Variants in NFS1 observed in about 807,000 individuals in gnomAD.
The protein encoded by NFS1 is NFS1 cysteine desulfurase, also known as cysteine desulfurase.
In NFS1, 26 loss-of-function variants were observed where a neutral mutation model predicts 57.3. The ratio of observed to expected loss-of-function variants is 0.45; its 90% CI spans 0.33 to 0.63. NFS1 has a LOEUF of 0.63. Ranked by LOEUF, NFS1 falls within the 20% of genes least tolerant of loss-of-function variation. The pLI is 0.02. For synonymous variants in NFS1, 209 were observed against 216.3 expected, an observed-to-expected ratio of 0.97 and a Z score of 0.30; for missense variants, 505 against 605.8, an observed-to-expected ratio of 0.83 and a Z score of 1.75.
At chr20:35,685,473 G>A (rs1311476659) in intron 5 of NFS1, among the ~76,000 whole-genome samples, 1 of 150,838 alleles carries the variant, frequency 6.6e-6, no homozygotes, top group Non-Finnish European at 1.5e-5. Flanking sequence ...AGTGAGCCGA[G>A]GTCATGTCAC....
intron 5 of NFS1, among the ~76,000 whole-genome samples, chr20:35,684,893 T>C (rs978920056): frequency 1.3e-5 from 2 of 151,744 alleles, no homozygotes; most frequent in African/African-American, 4.9e-5. Context: ...GGAGACCCTG[T>C]CTCTTTTTTC....
intron 2 of NFS1, 123 bp downstream of exon 2, chr20:35,698,358 C>T: frequency 2.6e-6 from 2 of 758,866 alleles, no homozygotes; most frequent in Non-Finnish European, 4.3e-6. Flanking sequence ...CGACTCCTCG[C>T]TCAGTGCTTT....
At chr20:35,676,576 CTCTG>C (rs2034749264) in intron 7 of NFS1, among the ~76,000 whole-genome samples, 1 of 150,254 alleles carries the variant, frequency 6.7e-6, no homozygotes, top group Non-Finnish European at 1.5e-5. Context: ...CAGAGCAAGA[CTCTG>C]TCTAAAAAAA....
intron 7 of NFS1, among the ~76,000 whole-genome samples, chr20:35,676,944 G>A (rs531048405): frequency 4.0e-5 from 6 of 151,712 alleles, no homozygotes; most frequent in African/African-American, 1.2e-4. Context: ...TCAGCTCACC[G>A]CAACCTCCAC....
intron 7 of NFS1, among the ~76,000 whole-genome samples, chr20:35,678,563 C>T (rs1227055296): frequency 6.7e-6 from 1 of 149,052 alleles, no homozygotes; most frequent in African/African-American, 2.5e-5. Flanking sequence ...CCAGGCATGG[C>T]CGGGCACAGT....
intron 5 of NFS1, among the ~76,000 whole-genome samples, chr20:35,684,145 C>T (rs1433680770): frequency 3.3e-5 from 5 of 151,952 alleles, no homozygotes; most frequent in Admixed American, 1.3e-4. Flanking sequence ...TGGTGACTCA[C>T]GCCTGTAATC....
At chr20:35,688,471 C>T (rs907811640) in intron 5 of NFS1, among the ~76,000 whole-genome samples, 6 of 151,916 alleles carry the variant, frequency 3.9e-5, no homozygotes, top group East Asian at 1.9e-4. Context: ...GTGGGAGAAT[C>T]GTTTGAACCC....
chr20:35,696,664 CT>C (rs1216494710), intron 3 of NFS1, among the ~76,000 whole-genome samples: 16 of 146,176 alleles, frequency 1.1e-4, no homozygotes, highest in Admixed American at 1.4e-4. Flanking sequence ...AAAATAATAA[CT>C]TTTTTTTTTT....
chr20:35,685,560 A>T (rs544845859), intron 5 of NFS1, among the ~76,000 whole-genome samples: 10 of 145,406 alleles, frequency 6.9e-5, no homozygotes, highest in Admixed American at 4.1e-4. Context: ...AAAATATTTT[A>T]TATATATATA....
At chr20:35,674,100 C>T in intron 10 of NFS1, 4 of 514,236 alleles carry the variant, frequency 7.8e-6, no homozygotes, top group Non-Finnish European at 1.1e-5. Context: ...GTGTAACCCA[C>T]AACAGACACA....
In NFS1 at chr20:35,673,675, G is replaced by A. The variant is rs1178186664; in HGVS notation, c.1146C>T (p.Thr382=). 4 of 1,613,712 alleles carry A rather than the reference G, an allele frequency of 2.5e-6. No individual in the cohort carries two copies. The Admixed American group carries it at 5.0e-5, about 20-fold the overall frequency. ...DVALSSGSAC[T]SASLEPSYVL... Reference sequence around the variant, plus strand: ...CATAAGAGGGCTCCAGGGATGCAGAGGTGCAGGCACTGAGGAGAGAGACAC... The same window carrying A: ...CATAAGAGGGCTCCAGGGATGCAGAAGTGCAGGCACTGAGGAGAGAGACAC... The change falls in exon 11 of 13, where the codon ACC becomes ACT. Residue 382 remains threonine, a synonymous_variant. Coordinates refer to ENST00000374092, the MANE Select transcript of NFS1 (RefSeq NM_021100.5).
intron 7 of NFS1, among the ~76,000 whole-genome samples, chr20:35,676,874 C>CG (rs1568957633): frequency 6.8e-6 from 1 of 147,934 alleles, no homozygotes; most frequent in East Asian, 2.0e-4. Context: ...TTTTTTTTCC[C>CG]TTTTTTTTTG....
intron 5 of NFS1, among the ~76,000 whole-genome samples, chr20:35,687,230 C>T (rs563758805): frequency 1.2e-4 from 19 of 152,302 alleles, no homozygotes; most frequent in Admixed American, 2.6e-4. Context: ...CAGGCCTGCC[C>T]GCAGTTATCT....
Position 35,685,581 on chromosome 20 carries a change from G to A in NFS1, c.562-3600C>T, listed in dbSNP as rs551075721. 7.5e-4 allele frequency among the ~76,000 whole-genome samples: 108 copies of A among 144,718 alleles called. 3 individuals carry two copies. Among genetic ancestry groups the A allele is most frequent in the African/African-American group, 2.6e-3 (100 of 38,756 alleles). 94.9% of individuals were successfully genotyped at this position (144,718 alleles called of 152,430 possible). On this transcript the variant is annotated intron_variant, in intron 5 of 12. Transcript: ENST00000374092. ...TTTTATATATATATATATAGCAGCCGGGCGCAGTGGCTCACGCCTGTAATC... is the reference window on the plus strand; with the variant it reads ...TTTTATATATATATATATAGCAGCCAGGCGCAGTGGCTCACGCCTGTAATC...
At chr20:35,672,650 G>A (rs879876814) in intron 12 of NFS1, 105 bp downstream of exon 12, 1 of 754,154 alleles carries the variant, frequency 1.3e-6, no homozygotes, top group Non-Finnish European at 2.4e-6. Context: ...TAAGATCCAA[G>A]TACGCTTGAA....
In NFS1 at chr20:35,699,195, G is replaced by A. The variant is rs1012824837; in HGVS notation, c.94C>T (p.Arg32Cys). ...PAAPTRGLRL[R>C]VGDRAPQSAV... ...GGAGAGCGGGACCCGAGCGTACCGC[G>A]CAGGCGCAGCCCCCGAGTGGGCGCC... The change falls in exon 1 of 13, where the codon CGC becomes TGC. Residue 32 changes from arginine to cysteine, a missense_variant. Physicochemically the swap from Arg to Cys is radical, Grantham distance 180. Coordinates refer to ENST00000374092, the MANE Select transcript of NFS1 (RefSeq NM_021100.5). The surrounding 1 kb of genome is among the most constrained non-coding windows in gnomAD (Gnocchi z 4.4). 1.1e-4 allele frequency: 157 copies of A among 1,411,256 alleles called. No homozygotes were observed. The highest frequency in any genetic ancestry group is 1.4e-4 in the Non-Finnish European group (155 of 1,093,912). 87.4% of individuals were successfully genotyped at this position (1,411,256 alleles called of 1,614,324 possible). A position where few individuals can be genotyped will look rare whatever the true frequency, so the allele number is the denominator to read the frequency against.
chr20:35,698,509 T>C lies in NFS1; in HGVS notation c.179A>G (p.Tyr60Cys), dbSNP rs889522576. ...AGGAGTTGTAGCTTGCACATCCATA[T>C]AGAGAGGTCGCAGCACTGGCCCCAC... is the stretch of plus-strand genomic sequence containing the variant. ...PEVGPVLRPL[Y>C]MDVQATTPLD... The change falls in exon 2 of 13, where the codon TAT (tyrosine) becomes TGT (cysteine). Residue 60 changes from tyrosine (Y) to cysteine (C), a missense_variant. By Grantham distance (194) the Tyr-to-Cys change is radical. Transcript: ENST00000374092. 10 of 1,613,408 alleles carry C rather than the reference T, an allele frequency of 6.2e-6. No individual in the cohort carries two copies. The highest frequency in any genetic ancestry group is 1.6e-4 in the Middle Eastern group (1 of 6,072).
At chr20:35,696,128 T>C (rs2035129997) in intron 4 of NFS1, among the ~76,000 whole-genome samples, 1 of 150,766 alleles carries the variant, frequency 6.6e-6, no homozygotes, top group Admixed American at 6.6e-5. Flanking sequence ...AAGTGGTTAA[T>C]GGCCTGAGGG....
chr20:35,678,528 CAA>C (rs1169564584), intron 7 of NFS1, among the ~76,000 whole-genome samples: 66 of 56,892 alleles, frequency 1.2e-3, no homozygotes, highest in African/African-American at 2.5e-3. Flanking sequence ...GACTTTGTCT[CAA>C]AAAAAAAAAA....
Sources: gnomAD v4.1 joint callset for allele counts (sites outside exome capture counted in the v4.1 genomes callset) on GRCh38, gnomAD v4.1.1 for gene constraint, Gnocchi (gnomAD v3.1) non-coding constraint, MANE v1.5 for transcripts, NCBI Gene and HGNC (gene_info 2026-07-23, HGNC 2026-07-21) for gene names.